Variants in HECW1 observed in about 807,000 individuals in gnomAD.
HECW1 encodes the protein E3 ubiquitin-protein ligase HECW1.
HECW1 carries 61 observed loss-of-function variants against 182.3 expected under a neutral mutation model. The ratio of observed to expected loss-of-function variants is 0.33; its 90% CI spans 0.27 to 0.41. HECW1 has a LOEUF of 0.41. Ranked by LOEUF, HECW1 falls within the 10% of genes least tolerant of loss-of-function variation. HECW1 has a pLI of 1.00. For synonymous variants in HECW1, 859 were observed against 832.6 expected, an observed-to-expected ratio of 1.03 and a Z score of -0.55; for missense variants, 1,739 against 2,108.9, an observed-to-expected ratio of 0.82 and a Z score of 3.44.
chr7:43,445,687 A>T (rs571534441), intron 11 of HECW1, 117 bp downstream of exon 11: 1 of 1,260,018 alleles, frequency 7.9e-7, no homozygotes, highest in Middle Eastern at 2.2e-4. Flanking sequence ...TGCTGGGGCA[A>T]TGTATGCCTG....
At chr7:43,221,537 G>GTTTTTTTTTTTTTTTTTTTTTTTTT (rs71008897) in intron 2 of HECW1, among the ~76,000 whole-genome samples, 1 of 50,532 alleles carries the variant, frequency 2.0e-5, no homozygotes, top group Non-Finnish European at 3.4e-5. Flanking sequence ...GAGGAATTAG[G>GTTTTTTTTTTTTTTTTTTTTTTTTT]TTTTTTTTTT....
rs537616055 is a variant in HECW1 at position 43,208,798 on chromosome 7, A to C, written c.-31-35077A>C. ...GCTGTTTCTTTCCACCGAAGCAACA[A>C]GCCAGCCCTCCAAGGTGTCTGGCTT... On this transcript the variant is annotated intron_variant, in intron 2 of 29. Coordinates refer to ENST00000395891, the MANE Select transcript of HECW1 (RefSeq NM_015052.5). Among the ~76,000 whole-genome samples the C allele has an allele frequency of 4.2e-3, 646 of 152,286 alleles. 5 individuals are homozygous for C. Among genetic ancestry groups the C allele is most frequent in the Admixed American group, 6.8e-3 (104 of 15,296 alleles).
intron 5 of HECW1, among the ~76,000 whole-genome samples, chr7:43,335,693 TC>T (rs1242889750): frequency 6.6e-6 from 1 of 152,132 alleles, no homozygotes; most frequent in East Asian, 1.9e-4. Context: ...TCTTTTTCCT[TC>T]CTTCCTTCCT....
At chr7:43,311,587 C>G (rs376831928) in intron 3 of HECW1, 176 bp from the exon 4 acceptor site, 1 of 770,542 alleles carries the variant, frequency 1.3e-6, no homozygotes, top group African/African-American at 1.7e-5. Context: ...CCCGTGTGAA[C>G]CCAGAGCTGC....
intron 3 of HECW1, among the ~76,000 whole-genome samples, chr7:43,268,870 C>T (rs1393861845): frequency 6.6e-6 from 1 of 152,164 alleles, no homozygotes; most frequent in Non-Finnish European, 1.5e-5. Flanking sequence ...CTCCTGGGCT[C>T]AAGTGATCCT....
intron 2 of HECW1, among the ~76,000 whole-genome samples, chr7:43,177,880 G>T (rs190697091): frequency 1.2e-3 from 177 of 152,200 alleles, no homozygotes; most frequent in Middle Eastern, 6.8e-3. Context: ...CCTACAGGAG[G>T]CACTGTCTCC....
intron 2 of HECW1, chr7:43,122,074 G>T (rs1204666444): frequency 6.6e-6 from 1 of 152,194 alleles, no homozygotes; most frequent in East Asian, 1.9e-4. Context: ...TTATTTGTTT[G>T]TTGATTCTTC....
intron 26 of HECW1, among the ~76,000 whole-genome samples, chr7:43,545,933 T>C (rs754125066): frequency 1.3e-5 from 2 of 152,186 alleles, no homozygotes; most frequent in Non-Finnish European, 2.9e-5. Flanking sequence ...AATGTGTCTA[T>C]ATAGTACCAA....
intron 5 of HECW1, among the ~76,000 whole-genome samples, chr7:43,329,990 G>T (rs1811265543): frequency 6.6e-6 from 1 of 152,196 alleles, no homozygotes; most frequent in Non-Finnish European, 1.5e-5. Flanking sequence ...ACTGTGAGAA[G>T]AGGAGAGTTG....
At position 43,159,184 on chromosome 7, in the gene HECW1, CTTTT is replaced by C. The variant is rs11455925; in HGVS notation, c.-32+44799_-32+44802del. 8.7e-5 allele frequency among the ~76,000 whole-genome samples: 13 copies of C among 149,560 alleles called. 1 individual carries two copies. In the East Asian group the frequency reaches 2.5e-3, roughly 29 times the overall value. On this transcript the variant is annotated intron_variant, in intron 2 of 29. Coordinates refer to ENST00000395891, the MANE Select transcript of HECW1 (RefSeq NM_015052.5). ...CAATTTTTTTACCTTTGTTCATTTT[CTTTT>C]TTTTTATTATTATACTTTAAGTTCT...
At chr7:43,113,015 G>A (rs1784742455) in intron 1 of HECW1, 78 bp downstream of exon 1, 2 of 185,156 alleles carry the variant, frequency 1.1e-5, no homozygotes, top group Non-Finnish European at 2.2e-5. Context: ...CCCGCCGCAC[G>A]CGAGGCCCCG....
chr7:43,525,104 G>A (rs2080704225), intron 24 of HECW1, among the ~76,000 whole-genome samples: 1 of 152,086 alleles, frequency 6.6e-6, no homozygotes, highest in Non-Finnish European at 1.5e-5. Context: ...AATGAACATC[G>A]ATGCTGCCTA....
At chr7:43,249,592 A>T (rs1755739257) in intron 3 of HECW1, 1 of 152,204 alleles carries the variant, frequency 6.6e-6, no homozygotes, top group Non-Finnish European at 1.5e-5. Flanking sequence ...GAGGAATGAG[A>T]CTGTGCGGTA....
Position 43,163,001 on chromosome 7 carries a change from C to A in HECW1, c.-32+48610C>A, listed in dbSNP as rs556309474. On this transcript the variant is annotated intron_variant, in intron 2 of 29. Coordinates refer to ENST00000395891, the MANE Select transcript of HECW1 (RefSeq NM_015052.5). ...GAGCAGTGAGCAGAGGAGTTGCTTA[C>A]CTTTGTTAGACTCCAAATCCTGTGT... 2.0e-5 allele frequency: 3 copies of A among 152,306 alleles called. No individual in the cohort carries two copies. In the East Asian group the frequency reaches 5.8e-4, roughly 29 times the overall value. 9.4% of individuals were successfully genotyped at this position (152,306 alleles called of 1,614,324 possible). A position where few individuals can be genotyped will look rare whatever the true frequency, so the allele number is the denominator to read the frequency against.
At chr7:43,407,885 G>A (rs746945694) in intron 8 of HECW1, among the ~76,000 whole-genome samples, 154 bp downstream of exon 8, 2 of 152,176 alleles carry the variant, frequency 1.3e-5, no homozygotes, top group Non-Finnish European at 2.9e-5. Context: ...TTCTCCAGGG[G>A]TTGCAACTCA....
intron 5 of HECW1, among the ~76,000 whole-genome samples, chr7:43,336,250 C>T (rs371777129): frequency 5.4e-5 from 8 of 148,740 alleles, no homozygotes; most frequent in South Asian, 4.3e-4. Flanking sequence ...TACCTCACTG[C>T]GGCCTCAAGG....
At chr7:43,408,648 T>G (rs1050810254) in intron 8 of HECW1, among the ~76,000 whole-genome samples, 2 of 152,048 alleles carry the variant, frequency 1.3e-5, no homozygotes, top group Non-Finnish European at 1.5e-5. Flanking sequence ...ATCATGCCAC[T>G]GCACTCCAAC....
intron 19 of HECW1, among the ~76,000 whole-genome samples, chr7:43,499,298 T>A (rs889185990): frequency 4.6e-5 from 7 of 151,764 alleles, no homozygotes; most frequent in Non-Finnish European, 1.0e-4. Context: ...AATAAAAAAT[T>A]TTTTAAAGAA....
chr7:43,565,941 G>A lies in HECW1; in HGVS notation c.*4015G>A, dbSNP rs1002392845. On this transcript the variant is annotated 3_prime_UTR_variant, in exon 30 of 30. Transcript: ENST00000395891. ...AGAAATGTCACGTGATACTCAGGCCGCGCTTTCTCTTCCATCACACCATCT... is the reference window on the plus strand; with the variant it reads ...AGAAATGTCACGTGATACTCAGGCCACGCTTTCTCTTCCATCACACCATCT... 34 of 194,162 alleles carry A rather than the reference G, an allele frequency of 1.8e-4. No homozygotes were observed. Among genetic ancestry groups the A allele is most frequent in the Non-Finnish European group, 1.1e-4 (10 of 93,204 alleles). 12.0% of individuals were successfully genotyped at this position (194,162 alleles called of 1,614,324 possible).
Sources: gnomAD v4.1 joint callset for allele counts (sites outside exome capture counted in the v4.1 genomes callset) on GRCh38, gnomAD v4.1.1 for gene constraint, MANE v1.5 for transcripts, NCBI Gene and HGNC (gene_info 2026-07-23, HGNC 2026-07-21) for gene names.